The following LRRK2 variants were observed in gnomAD, a reference collection of about 807,000 sequenced individuals.
LRRK2 encodes the protein leucine-rich repeat serine/threonine-protein kinase 2.
In LRRK2, 203 loss-of-function variants were observed where a neutral mutation model predicts 302.6. The observed-to-expected ratio is 0.67, with a 90% CI of 0.60 to 0.75. LRRK2 has a LOEUF of 0.75. LRRK2 is among the 30% of genes least tolerant of loss of function. The pLI is 0.00. For synonymous variants in LRRK2, 1,066 were observed against 1,031.9 expected (o/e 1.03, Z -0.63); for missense variants, 2,830 against 2,951.0 (o/e 0.96, Z 0.95).
rs1314711246 is a variant in LRRK2 at position 40,265,036 on chromosome 12, A to G, written c.1656+1135A>G. 2.6e-5 allele frequency among the ~76,000 whole-genome samples: 4 copies of G among 152,330 alleles called. No homozygotes were observed. In the East Asian group the frequency reaches 7.7e-4, roughly 29 times the overall value. ...TTTGATGAATGTCATAAATTAATTA[A>G]AGTGGCTTCCAGAGAGATCTCCCTT... On this transcript the variant is annotated intron_variant, in intron 14 of 50. Coordinates refer to ENST00000298910, the MANE Select transcript of LRRK2 (RefSeq NM_198578.4).
At chr12:40,268,710 T>C (rs1298282060) in intron 14 of LRRK2, among the ~76,000 whole-genome samples, 2 of 152,112 alleles carry the variant, frequency 1.3e-5, no homozygotes, top group African/African-American at 2.4e-5. Context: ...AGAGTGTTGA[T>C]TCATATGGCC....
intron 29 of LRRK2, among the ~76,000 whole-genome samples, 161 bp from the exon 30 acceptor site, chr12:40,308,945 C>T (rs1944932754): frequency 6.6e-6 from 1 of 152,100 alleles, no homozygotes; most frequent in South Asian, 2.1e-4. Context: ...GTGGTCAATC[C>T]TAGTAAAAAC....
intron 11 of LRRK2, among the ~76,000 whole-genome samples, chr12:40,254,679 A>G (rs926149344): frequency 2.6e-5 from 4 of 152,162 alleles, no homozygotes; most frequent in Non-Finnish European, 5.9e-5. Flanking sequence ...AAATCAAACA[A>G]CCATAACTTT....
At chr12:40,363,181 G>C (rs1450001336) in intron 47 of LRRK2, among the ~76,000 whole-genome samples, 1 of 151,894 alleles carries the variant, frequency 6.6e-6, no homozygotes, top group Non-Finnish European at 1.5e-5. Flanking sequence ...ATTATCACAA[G>C]AAATTAATAT....
chr12:40,245,534 C>T (rs947130360), intron 7 of LRRK2, among the ~76,000 whole-genome samples: 10 of 152,066 alleles, frequency 6.6e-5, no homozygotes, highest in African/African-American at 2.4e-4. Flanking sequence ...TTTTCTTGGG[C>T]CTTTACTATT....
At chr12:40,291,754 T>C (rs1017485148) in intron 20 of LRRK2, among the ~76,000 whole-genome samples, 2 of 152,054 alleles carry the variant, frequency 1.3e-5, no homozygotes, top group Admixed American at 6.6e-5. Flanking sequence ...AAGTTTTCTG[T>C]GACTTCACTG....
At chr12:40,335,443 A>AG (rs1292299168) in intron 40 of LRRK2, among the ~76,000 whole-genome samples, 1 of 152,198 alleles carries the variant, frequency 6.6e-6, no homozygotes, top group Non-Finnish European at 1.5e-5. Context: ...AAAAATGTAT[A>AG]AGTTAGGCTT....
At chr12:40,284,263 T>A in intron 19 of LRRK2, 130 bp downstream of exon 19, 1 of 220,382 alleles carries the variant, frequency 4.5e-6, no homozygotes, top group Non-Finnish European at 6.2e-6. Context: ...AGGTTTGGAT[T>A]TTTTTTTTTT....
rs1457552117 is a variant in LRRK2 at position 40,362,592 on chromosome 12, T to C, written c.7029-810T>C. 3.9e-5 allele frequency among the ~76,000 whole-genome samples: 6 copies of C among 152,042 alleles called. 1 individual carries two copies. The South Asian group carries it at 1.0e-3, about 26-fold the overall frequency. ...ACAATTTTATATTTAATAAGGTCTATAATATGACAGTGACACCAGTGGGGA... is the reference window on the plus strand; with the variant it reads ...ACAATTTTATATTTAATAAGGTCTACAATATGACAGTGACACCAGTGGGGA... On this transcript the variant is annotated intron_variant, in intron 47 of 50. Coordinates refer to ENST00000298910, the MANE Select transcript of LRRK2 (RefSeq NM_198578.4).
At chr12:40,315,096 G>A in intron 32 of LRRK2, 116 bp from the exon 33 acceptor site, 1 of 828,948 alleles carries the variant, frequency 1.2e-6, no homozygotes, top group Non-Finnish European at 2.1e-6. Context: ...TCTGTCACTA[G>A]CTATGCTGAA....
In LRRK2 at chr12:40,354,509, G is replaced by A. The variant is rs1946465914; in HGVS notation, c.6770+17G>A. On this transcript the variant is annotated intron_variant, in intron 45 of 50. Transcript: ENST00000298910. ...CAAGCAAAGGTATGGTAGTGAATTT[G>A]ATCAATGGGGAAATTACAGATCTTT... The A allele has an allele frequency of 6.2e-7, 1 of 1,602,474 alleles. No individual in the cohort carries two copies. The highest frequency in any genetic ancestry group is 1.7e-5 in the Admixed American group (1 of 59,962).
intron 4 of LRRK2, among the ~76,000 whole-genome samples, chr12:40,236,547 G>A (rs1397325864): frequency 6.6e-6 from 1 of 152,188 alleles, no homozygotes; most frequent in African/African-American, 2.4e-5. Flanking sequence ...CTCACAGGGA[G>A]CTAATCTTGA....
chr12:40,339,808 TAAATA>T (rs1565763725), intron 40 of LRRK2, among the ~76,000 whole-genome samples: 1 of 152,170 alleles, frequency 6.6e-6, no homozygotes, highest in Non-Finnish European at 1.5e-5. Flanking sequence ...ATATCAATGA[TAAATA>T]GAATAGAGAA....
chr12:40,336,098 G>A (rs988933813), intron 40 of LRRK2, among the ~76,000 whole-genome samples: 6 of 152,120 alleles, frequency 3.9e-5, no homozygotes, highest in African/African-American at 1.4e-4. Flanking sequence ...ATGAAAGTTG[G>A]ATCAGGACTT....
chr12:40,238,543 C>A (rs1941575998), intron 5 of LRRK2, among the ~76,000 whole-genome samples: 1 of 152,040 alleles, frequency 6.6e-6, no homozygotes, highest in Non-Finnish European at 1.5e-5. Flanking sequence ...ATAGCCTGGC[C>A]CTGAGATTGA....
At position 40,346,827 on chromosome 12, in the gene LRRK2, C is replaced by T. The variant is rs1251493929; in HGVS notation, c.6184C>T (p.Leu2062=). The T allele has an allele frequency of 6.2e-7, 1 of 1,612,992 alleles. No homozygotes were observed. Among genetic ancestry groups the T allele is most frequent in the African/African-American group, 1.3e-5 (1 of 75,020 alleles). ...QQADVYSFGL[L]LYDILTTGGR... ...GGCTGATGTTTATTCATTTGGTTTA[C>T]TACTCTATGACATTTTGACAACTGG... is the stretch of plus-strand genomic sequence containing the variant. Residue 2062 remains leucine (L), a synonymous_variant, in exon 42 of 51, where the codon CTA becomes TTA. Transcript: ENST00000298910.
intron 3 of LRRK2, 27 bp from the exon 4 acceptor site, chr12:40,235,599 T>G: frequency 2.1e-6 from 3 of 1,459,536 alleles, no homozygotes; most frequent in Non-Finnish European, 2.9e-6. Context: ...ATTTCATTCT[T>G]ATCTTGATTT....
intron 5 of LRRK2, among the ~76,000 whole-genome samples, chr12:40,239,514 G>A (rs1020246732): frequency 2.0e-5 from 3 of 152,134 alleles, no homozygotes; most frequent in African/African-American, 7.2e-5. Flanking sequence ...TAAGACACTG[G>A]AGGTAGACCA....
intron 46 of LRRK2, among the ~76,000 whole-genome samples, chr12:40,358,818 G>A (rs113263878): frequency 6.6e-6 from 1 of 152,156 alleles, no homozygotes; most frequent in South Asian, 2.1e-4. Context: ...TGGGTAGTAT[G>A]GTCATTTTAA....
Sources: gnomAD v4.1 joint callset for allele counts (sites outside exome capture counted in the v4.1 genomes callset) on GRCh38, gnomAD v4.1.1 for gene constraint, MANE v1.5 for transcripts, NCBI Gene and HGNC (gene_info 2026-07-23, HGNC 2026-07-21) for gene names.